Variants in OTOA observed in about 807,000 individuals in gnomAD.
OTOA encodes the protein otoancorin.
A neutral mutation model predicts 110.8 loss-of-function variants in OTOA; 70 were observed. That is an observed-to-expected ratio of 0.63 (90% CI 0.52 to 0.77). The LOEUF (loss-of-function observed/expected upper bound fraction) is 0.77. Ranked by LOEUF, OTOA falls within the 30% of genes least tolerant of loss-of-function variation. The pLI is 0.00. For synonymous variants in OTOA, 373 were observed against 431.5 expected (o/e 0.86, Z 1.68); for missense variants, 917 against 1,075.8 (o/e 0.85, Z 2.06).
intron 5 of OTOA, among the ~76,000 whole-genome samples, chr16:21,680,577 G>A (rs1966880914): frequency 6.6e-6 from 1 of 151,872 alleles, no homozygotes; most frequent in Non-Finnish European, 1.5e-5. Flanking sequence ...TCATAGGCTG[G>A]GCATGGTGGC....
chr16:21,708,826 A>T (rs189529234), intron 12 of OTOA, among the ~76,000 whole-genome samples: 4 of 152,180 alleles, frequency 2.6e-5, no homozygotes, highest in African/African-American at 9.7e-5. Flanking sequence ...TACAGAGCTC[A>T]TTGTATAGTA....
At chr16:21,718,387 C>T (rs1021292108) in intron 15 of OTOA, among the ~76,000 whole-genome samples, 2 of 152,144 alleles carry the variant, frequency 1.3e-5, no homozygotes, top group African/African-American at 4.8e-5. Context: ...GAATTTGACC[C>T]TGAGCCCAGG....
In OTOA at chr16:21,676,109, G is replaced by A. The variant is rs147503344; in HGVS notation, c.-4-2402G>A. On this transcript the variant is annotated intron_variant, in intron 1 of 28. Coordinates refer to ENST00000646100, the MANE Select transcript of OTOA (RefSeq NM_144672.4). ...AAGTTTTGCATTTTTGGTAAAGACA[G>A]AGTTTCACCATGTTGCCCAGGCTGG... Among the ~76,000 whole-genome samples the A allele has an allele frequency of 9.3e-4, 141 of 152,166 alleles. 1 individual carries two copies. Among genetic ancestry groups the A allele is most frequent in the African/African-American group, 3.3e-3 (135 of 41,508 alleles).
intron 8 of OTOA, among the ~76,000 whole-genome samples, chr16:21,689,231 A>G (rs1897780847): frequency 6.6e-6 from 1 of 152,174 alleles, no homozygotes. Flanking sequence ...ATATGATGAT[A>G]ACAATGTGGG....
intron 17 of OTOA, among the ~76,000 whole-genome samples, chr16:21,721,145 C>A (rs1007528230): frequency 7.9e-5 from 12 of 151,108 alleles, no homozygotes; most frequent in African/African-American, 2.9e-4. Context: ...GAACTCCTGA[C>A]CTCCAGTGAT....
At chr16:21,735,846 G>A (rs971847323) in intron 21 of OTOA, among the ~76,000 whole-genome samples, 12 of 152,164 alleles carry the variant, frequency 7.9e-5, no homozygotes, top group African/African-American at 1.2e-4. Context: ...TGCCTGCCTC[G>A]ACCTCCCAAA....
At chr16:21,737,358 G>T (rs1460615781) in intron 22 of OTOA, among the ~76,000 whole-genome samples, 2 of 152,414 alleles carry the variant, frequency 1.3e-5, no homozygotes, top group Admixed American at 6.5e-5. Context: ...CTGACTAGCT[G>T]GGATTATAGG....
At chr16:21,718,359 G>T (rs1898620890) in intron 15 of OTOA, among the ~76,000 whole-genome samples, 1 of 152,130 alleles carries the variant, frequency 6.6e-6, no homozygotes, top group Non-Finnish European at 1.5e-5. Context: ...AGATGGGGAA[G>T]ACCATGGGAG....
In OTOA at chr16:21,728,391, C is replaced by T. The variant is rs969209773; in HGVS notation, c.2167C>T (p.Gln723Ter). Residue 723 changes from glutamine to a stop codon, truncating the protein, a stop_gained, in exon 20 of 29, where the codon CAA becomes TAA. Coordinates refer to ENST00000646100, the MANE Select transcript of OTOA (RefSeq NM_144672.4). LOFTEE classifies it high-confidence loss of function. ...AGACTGCCCAGACCTCAACCCTGAG[C>T]AAAAGGCTGCAGTGAGGCTCAAGCT... ...LRDCPDLNPE[Q>*]KAAVRLKLLG... The T allele has an allele frequency of 6.2e-7, 1 of 1,613,992 alleles. No individual in the cohort carries two copies. The highest frequency in any genetic ancestry group is 8.5e-7 in the Non-Finnish European group (1 of 1,180,024).
At chr16:21,715,922 T>A (rs868190499) in intron 14 of OTOA, among the ~76,000 whole-genome samples, 24 of 152,242 alleles carry the variant, frequency 1.6e-4, no homozygotes, top group Middle Eastern at 3.4e-3. Flanking sequence ...TTTTTGTTTG[T>A]TTGTTTAGAT....
Position 21,719,461 on chromosome 16 carries a change from TC to T in OTOA, c.1765del (p.Gln589ArgfsTer55), listed in dbSNP as rs775776282. 3.7e-6 allele frequency: 6 copies of T among 1,614,176 alleles called. No homozygotes were observed. The East Asian group carries it at 1.3e-4, about 36-fold the overall frequency. On this transcript the variant is annotated frameshift_variant, in exon 17 of 29. Transcript: ENST00000646100. LOFTEE classifies it high-confidence loss of function. ...AGCACTGACTTCTTTCTGGCCCATTTCCAGGATTTTCAGAACAACTTCGCCC... is the reference window on the plus strand; with the variant it reads ...AGCACTGACTTCTTTCTGGCCCATTTCAGGATTTTCAGAACAACTTCGCCC... ...AMSTDFFLAH[F>X]QDFQNNFALL...
At chr16:21,707,634 T>TTTCTTTCC (rs1555499043) in intron 12 of OTOA, among the ~76,000 whole-genome samples, 1 of 117,382 alleles carries the variant, frequency 8.5e-6, no homozygotes, top group East Asian at 2.2e-4. Context: ...TCTTTCTTTC[T>TTTCTTTCC]TTCTTTCTTT....
At chr16:21,721,232 TAC>T (rs35961471) in intron 17 of OTOA, 101,414 of 365,836 alleles carry the variant, frequency 0.28, 8,419 homozygotes, top group African/African-American at 0.41. Context: ...ACATAATTAT[TAC>T]ACACACACAC....
Position 21,678,550 on chromosome 16 carries a change from A to G in OTOA, c.36A>G (p.Leu12=). 3.1e-6 allele frequency: 5 copies of G among 1,613,794 alleles called. No homozygotes were observed. The South Asian group carries it at 4.4e-5, about 14-fold the overall frequency. The stretch of plus-strand genomic sequence containing the variant: ...AACCTACGACATACTCCCTTTTCCT[A>G]TTCCTTTTTCTGAGCCATGGAGTGT... ...SQEPTTYSLF[L]FLFLSHGVSS... The change falls in exon 2 of 29, where the codon CTA becomes CTG. Residue 12 remains leucine (L), a synonymous_variant. Coordinates refer to ENST00000646100, the MANE Select transcript of OTOA (RefSeq NM_144672.4).
At chr16:21,721,916 T>C (rs1452723822) in intron 17 of OTOA, among the ~76,000 whole-genome samples, 1 of 151,474 alleles carries the variant, frequency 6.6e-6, no homozygotes, top group African/African-American at 2.4e-5. Flanking sequence ...AAAAAGTATC[T>C]ATATGTAATA....
intron 14 of OTOA, among the ~76,000 whole-genome samples, chr16:21,716,549 G>A (rs1181783758): frequency 2.6e-5 from 4 of 151,966 alleles, no homozygotes; most frequent in Admixed American, 2.0e-4. Flanking sequence ...CCAGCCTGGC[G>A]ACAGAGGGAG....
At chr16:21,726,154 A>G (rs1256127539) in intron 18 of OTOA, among the ~76,000 whole-genome samples, 1 of 151,774 alleles carries the variant, frequency 6.6e-6, no homozygotes, top group Non-Finnish European at 1.5e-5. Flanking sequence ...CAACATGTCT[A>G]TTTACGAGAA....
chr16:21,697,026 A>T lies in OTOA; in HGVS notation c.740-749A>T, dbSNP rs557734148. 1.2e-4 allele frequency among the ~76,000 whole-genome samples: 17 copies of T among 138,358 alleles called. No homozygotes were observed. In the East Asian group the frequency reaches 3.4e-3, roughly 28 times the overall value. 90.8% of individuals were successfully genotyped at this position (138,358 alleles called of 152,430 possible). A position where few individuals can be genotyped will look rare whatever the true frequency, so the allele number is the denominator to read the frequency against. On this transcript the variant is annotated intron_variant, in intron 9 of 28. Coordinates refer to ENST00000646100, the MANE Select transcript of OTOA (RefSeq NM_144672.4). ...CTTCTCAGTTTCCTGAGTAGCTGGGACTACAGCTGGCTTTTTTTTTTTTTT... is the reference window on the plus strand; with the variant it reads ...CTTCTCAGTTTCCTGAGTAGCTGGGTCTACAGCTGGCTTTTTTTTTTTTTT...
At position 21,700,958 on chromosome 16, in the gene OTOA, T is replaced by G. The variant is rs202189845; in HGVS notation, c.911T>G (p.Leu304Arg). Residue 304 changes from leucine to arginine, a missense_variant, in exon 11 of 29, where the codon CTG (leucine) becomes CGG (arginine). Transcript: ENST00000646100. ...LDMVYDITPE[L>R]AQAFLERISS... Reference sequence around the variant, plus strand: ...ATGGTCTATGACATCACACCTGAGCTGGCCCAGGCGTTTCTGGAGAGGATC... The same window carrying G: ...ATGGTCTATGACATCACACCTGAGCGGGCCCAGGCGTTTCTGGAGAGGATC... 2 of 1,614,110 alleles carry G rather than the reference T, an allele frequency of 1.2e-6. No individual in the cohort carries two copies. The highest frequency in any genetic ancestry group is 2.7e-5 in the African/African-American group (2 of 75,034).
Sources: gnomAD v4.1 joint callset for allele counts (sites outside exome capture counted in the v4.1 genomes callset) on GRCh38, gnomAD v4.1.1 for gene constraint, MANE v1.5 for transcripts, NCBI Gene and HGNC (gene_info 2026-07-23, HGNC 2026-07-21) for gene names.